Variants in DNAAF10 observed in about 807,000 individuals in gnomAD.
DNAAF10 encodes WD repeat domain 92.
In DNAAF10, 28 loss-of-function variants were observed where a neutral mutation model predicts 43.7. The observed-to-expected ratio is 0.64, with a 90% CI of 0.48 to 0.88. DNAAF10 has a LOEUF of 0.88. DNAAF10 is among the 40% of genes least tolerant of loss of function. The probability of loss-of-function intolerance (pLI) is 0.00; values close to 1 mark genes in which losing one functional copy is unlikely to be tolerated. For synonymous variants in DNAAF10, 156 were observed against 157.3 expected (o/e 0.99, Z 0.06); for missense variants, 403 against 439.1 (o/e 0.92, Z 0.73).
chr2:68,141,591 T>A (rs1300420341), intron 4 of DNAAF10, 103 bp downstream of exon 4: 1 of 1,102,546 alleles, frequency 9.1e-7, no homozygotes, highest in Non-Finnish European at 1.3e-6. Flanking sequence ...ACTATTAGAA[T>A]AATCCACAAA....
In DNAAF10 at chr2:68,138,869, G is replaced by A. The variant is rs1274941594; in HGVS notation, c.518-12C>T. The A allele has an allele frequency of 6.3e-7, 1 of 1,588,816 alleles. No individual in the cohort carries two copies. The highest frequency in any genetic ancestry group is 1.7e-5 in the Admixed American group (1 of 59,838). Reference sequence around the variant, plus strand: ...ATTATAAGCATTGCCTGGAAATCAAGATACAACATTTCACATCCTTATAAA... The same window carrying A: ...ATTATAAGCATTGCCTGGAAATCAAAATACAACATTTCACATCCTTATAAA... On this transcript the variant is annotated splice_polypyrimidine_tract_variant and intron_variant, in intron 4 of 7. Coordinates refer to ENST00000295121, the MANE Select transcript of DNAAF10 (RefSeq NM_138458.4).
chr2:68,140,277 T>C (rs1335077532), intron 4 of DNAAF10, among the ~76,000 whole-genome samples: 2 of 152,150 alleles, frequency 1.3e-5, no homozygotes, highest in African/African-American at 4.8e-5. Flanking sequence ...GCATTTCCAC[T>C]GTGGGCCCCA....
At chr2:68,139,621 TAA>T (rs545959875) in intron 4 of DNAAF10, among the ~76,000 whole-genome samples, 9 of 114,050 alleles carry the variant, frequency 7.9e-5, no homozygotes, top group Non-Finnish European at 9.4e-5. Flanking sequence ...CTGTCTCTAC[TAA>T]AAAAAAAAAA....
intron 3 of DNAAF10, 55 bp from the exon 4 acceptor site, chr2:68,141,850 T>G: frequency 7.0e-7 from 1 of 1,428,892 alleles, no homozygotes; most frequent in Non-Finnish European, 9.9e-7. Flanking sequence ...ATTATGTTTC[T>G]TTTCTACATT....
intron 2 of DNAAF10, among the ~76,000 whole-genome samples, chr2:68,146,038 G>C (rs10169081): frequency 0.03 from 4,593 of 152,250 alleles, 214 homozygotes; most frequent in African/African-American, 0.11. Context: ...AAGGTGAGTA[G>C]ATCACCTGAG....
At chr2:68,154,366 C>T (rs1284924712) in intron 1 of DNAAF10, among the ~76,000 whole-genome samples, 1 of 152,142 alleles carries the variant, frequency 6.6e-6, no homozygotes, top group African/African-American at 2.4e-5. Flanking sequence ...CCTGCCTCAG[C>T]CTCCTGAGTA....
At chr2:68,153,745 G>GT (rs35521976) in intron 1 of DNAAF10, among the ~76,000 whole-genome samples, 9,689 of 78,736 alleles carry the variant, frequency 0.12, 202 homozygotes, top group Middle Eastern at 0.19. Flanking sequence ...ACACAATGAA[G>GT]TTTTTTTTTT....
intron 6 of DNAAF10, among the ~76,000 whole-genome samples, chr2:68,135,872 A>T (rs1673030568): frequency 2.0e-5 from 3 of 152,156 alleles, no homozygotes; most frequent in Admixed American, 2.0e-4. Context: ...AATACACCAG[A>T]GTCTTCTATT....
intron 1 of DNAAF10, among the ~76,000 whole-genome samples, chr2:68,148,270 G>C (rs1468248208): frequency 6.6e-6 from 1 of 152,122 alleles, no homozygotes; most frequent in Non-Finnish European, 1.5e-5. Flanking sequence ...GTCATAAAAG[G>C]AGACCAAAGC....
chr2:68,142,946 G>A (rs190547403), intron 3 of DNAAF10, among the ~76,000 whole-genome samples: 13 of 152,168 alleles, frequency 8.5e-5, no homozygotes, highest in Admixed American at 5.9e-4. Context: ...GAGTGCAGTC[G>A]TGCGATCATG....
At chr2:68,149,621 G>A (rs1349761278) in intron 1 of DNAAF10, among the ~76,000 whole-genome samples, 15 of 152,112 alleles carry the variant, frequency 9.9e-5, no homozygotes, top group Admixed American at 9.8e-4. Context: ...GGCAATTTAT[G>A]TTTTCCTCAC....
At chr2:68,156,575 C>G (rs1673622513) in intron 1 of DNAAF10, among the ~76,000 whole-genome samples, 1 of 152,044 alleles carries the variant, frequency 6.6e-6, no homozygotes, top group Non-Finnish European at 1.5e-5. Flanking sequence ...TCCGTTTTTT[C>G]TTAGAAAAAA....
chr2:68,150,661 G>A (rs1332333980), intron 1 of DNAAF10, among the ~76,000 whole-genome samples: 1 of 152,018 alleles, frequency 6.6e-6, no homozygotes, highest in Non-Finnish European at 1.5e-5. Flanking sequence ...TGAACCCAGA[G>A]GGCGGAGGCT....
intron 5 of DNAAF10, 24 bp from the exon 6 acceptor site, chr2:68,137,457 T>C (rs1052260040): frequency 1.9e-6 from 3 of 1,598,876 alleles, no homozygotes; most frequent in Admixed American, 3.5e-5. Flanking sequence ...ATACTTATTA[T>C]TGGTAGTCTC....
intron 1 of DNAAF10, among the ~76,000 whole-genome samples, chr2:68,154,515 G>A (rs1673539723): frequency 6.6e-6 from 1 of 152,164 alleles, no homozygotes; most frequent in Non-Finnish European, 1.5e-5. Flanking sequence ...CAAAGTGCTG[G>A]GATTACAGGC....
chr2:68,152,678 T>C (rs1398904785), intron 1 of DNAAF10, among the ~76,000 whole-genome samples: 2 of 151,988 alleles, frequency 1.3e-5, no homozygotes, highest in Non-Finnish European at 2.9e-5. Context: ...AGAAAATCAA[T>C]ATATACTAAC....
intron 3 of DNAAF10, 121 bp downstream of exon 3, chr2:68,144,464 G>A (rs1215327365): frequency 7.9e-7 from 1 of 1,273,722 alleles, no homozygotes; most frequent in Non-Finnish European, 1.1e-6. Context: ...GTAGCAGCAA[G>A]ACTGTTAGAT....
At position 68,131,194 on chromosome 2, in the gene DNAAF10, AG is replaced by A. The variant is rs760008166; in HGVS notation, c.*43del. 2.9e-5 allele frequency: 47 copies of A among 1,601,452 alleles called. No individual in the cohort carries two copies. Among genetic ancestry groups the A allele is most frequent in the Non-Finnish European group, 4.0e-5 (47 of 1,169,226 alleles). ...CGGCCTCCCAAAGTGCTGGGATTAC[AG>A]GAGTGAGCCACCGTGCCCAGCCTCA... On this transcript the variant is annotated 3_prime_UTR_variant, in exon 8 of 8. Coordinates refer to ENST00000295121, the MANE Select transcript of DNAAF10 (RefSeq NM_138458.4).
At position 68,147,583 on chromosome 2, in the gene DNAAF10, G is replaced by A; in HGVS notation, c.184-16C>T. The A allele has an allele frequency of 6.4e-7, 1 of 1,564,684 alleles. No individual in the cohort carries two copies. Among genetic ancestry groups the A allele is most frequent in the Non-Finnish European group, 8.7e-7 (1 of 1,144,582 alleles). ...CCTTTTCAATCTTCATAGAAGGGAG[G>A]AAGAGAGGATATATTATTTATGTAA... On this transcript the variant is annotated splice_polypyrimidine_tract_variant and intron_variant, in intron 1 of 7. Coordinates refer to ENST00000295121, the MANE Select transcript of DNAAF10 (RefSeq NM_138458.4).
Sources: allele counts gnomAD v4.1 joint callset (sites outside exome capture counted in the v4.1 genomes callset), GRCh38; gene constraint gnomAD v4.1.1; transcripts MANE v1.5; gene names NCBI Gene and HGNC (gene_info 2026-07-23, HGNC 2026-07-21).